The following RNLS variants were observed in gnomAD, a reference collection of about 807,000 sequenced individuals.
RNLS encodes the protein renalase.
RNLS carries 39 observed loss-of-function variants against 39.8 expected under a neutral mutation model. The ratio of observed to expected loss-of-function variants is 0.98; its 90% confidence interval spans 0.76 to 1.28. The LOEUF (loss-of-function observed/expected upper bound fraction) is 1.28, where lower values mean the gene tolerates loss of function less well. Among genes scored for constraint, RNLS ranks in the 50% most tolerant of loss-of-function variants. RNLS has a pLI of 0.00. For synonymous variants in RNLS, 147 were observed against 150.7 expected (o/e 0.98, Z 0.18); for missense variants, 410 against 413.3 (o/e 0.99, Z 0.07).
At chr10:88,553,620 C>A (rs928225964) in intron 4 of RNLS, among the ~76,000 whole-genome samples, 6 of 152,126 alleles carry the variant, frequency 3.9e-5, no homozygotes, top group African/African-American at 1.2e-4. Flanking sequence ...GGAGCAGAGA[C>A]CCTACCATTA....
At chr10:88,548,295 A>ATT (rs1848437051) in intron 4 of RNLS, among the ~76,000 whole-genome samples, 12 of 135,510 alleles carry the variant, frequency 8.9e-5, no homozygotes, top group Non-Finnish European at 1.7e-4. Context: ...AAAAAAAAAG[A>ATT]AAAGAAAAAA....
the RNLS span, among the ~76,000 whole-genome samples, chr10:88,198,525 C>A: frequency 1.2e-4 from 19 of 152,244 alleles, no homozygotes; most frequent in Non-Finnish European, 2.5e-4. Flanking sequence ...TGTGTCTCTG[C>A]CCAAATCTCA....
intron 6 of RNLS, among the ~76,000 whole-genome samples, chr10:88,310,258 T>A (rs779327864): frequency 2.6e-5 from 4 of 152,060 alleles, no homozygotes; most frequent in Non-Finnish European, 5.9e-5. Context: ...CTGGATTATA[T>A]CTTTTTGACT....
chr10:88,343,939 A>C, intron 5 of RNLS: 1 of 427,618 alleles, frequency 2.3e-6, no homozygotes, highest in South Asian at 9.8e-5. Context: ...ATGCCTAAAA[A>C]AGCCCTGGTT....
At chr10:88,179,842 T>C in the RNLS span, among the ~76,000 whole-genome samples, 1 of 152,212 alleles carries the variant, frequency 6.6e-6, no homozygotes, top group South Asian at 2.1e-4. Context: ...AAATCCACAT[T>C]TGGAGACGGA....
intron 4 of RNLS, among the ~76,000 whole-genome samples, chr10:88,385,123 A>G (rs2133544571): frequency 6.6e-6 from 1 of 152,344 alleles, no homozygotes; most frequent in South Asian, 2.1e-4. Context: ...AGCAAATGCT[A>G]GCTCATTTCC....
At chr10:88,374,614 G>A (rs1204630467) in intron 4 of RNLS, among the ~76,000 whole-genome samples, 6 of 152,028 alleles carry the variant, frequency 3.9e-5, no homozygotes, top group Non-Finnish European at 7.4e-5. Flanking sequence ...CATATGGGAT[G>A]TCATTCCATT....
rs527600857 is a variant in RNLS at position 88,349,446 on chromosome 10, T to A, written c.700+13106A>T. Among the ~76,000 whole-genome samples, 43 of 152,232 alleles carry A rather than the reference T, an allele frequency of 2.8e-4. No homozygotes were observed. In the South Asian group the frequency reaches 8.1e-3, roughly 29 times the overall value. ...TTACAAAATGGGCTGGGTTATTTCA[T>A]TCTCTAATAAAAGTCCCCTCCCCTT... is the stretch of plus-strand genomic sequence containing the variant. On this transcript the variant is annotated intron_variant, in intron 5 of 6. Transcript: ENST00000331772.
At chr10:88,321,616 T>A (rs1272519278) in intron 5 of RNLS, among the ~76,000 whole-genome samples, 1 of 151,596 alleles carries the variant, frequency 6.6e-6, no homozygotes, top group Non-Finnish European at 1.5e-5. Context: ...AAGGGTGACA[T>A]TACAACTGAT....
intron 4 of RNLS, among the ~76,000 whole-genome samples, chr10:88,509,002 T>A (rs186864112): frequency 6.6e-6 from 1 of 152,062 alleles, no homozygotes; most frequent in Admixed American, 6.6e-5. Flanking sequence ...AGACATTCAC[T>A]TTTGGTGGGG....
At chr10:88,422,051 T>G (rs981812856) in intron 4 of RNLS, among the ~76,000 whole-genome samples, 4 of 152,212 alleles carry the variant, frequency 2.6e-5, no homozygotes, top group Admixed American at 2.6e-4. Flanking sequence ...CTTTCTACAC[T>G]CAACACTTCT....
intron 4 of RNLS, among the ~76,000 whole-genome samples, chr10:88,425,444 T>C (rs1854689296): frequency 6.6e-6 from 1 of 152,158 alleles, no homozygotes; most frequent in South Asian, 2.1e-4. Flanking sequence ...CTTCTGTCTT[T>C]GTCCTAATGT....
Position 88,529,634 on chromosome 10 carries a change from T to A in RNLS, c.526+43269A>T, listed in dbSNP as rs1048124126. On this transcript the variant is annotated intron_variant, in intron 4 of 6. Transcript: ENST00000331772. The stretch of plus-strand genomic sequence containing the variant: ...AATTACTCATATTTAAAATTCAGGA[T>A]TAAATGTCTAATTTCTGAAGGTGAG... Among the ~76,000 whole-genome samples the A allele has an allele frequency of 2.0e-5, 3 of 152,214 alleles. No individual in the cohort carries two copies. In the East Asian group the frequency reaches 5.8e-4, roughly 29 times the overall value.
At chr10:88,239,677 G>A in the RNLS span, among the ~76,000 whole-genome samples, 2 of 152,310 alleles carry the variant, frequency 1.3e-5, no homozygotes, top group African/African-American at 2.4e-5. Flanking sequence ...TCTTTCCCAG[G>A]CTGGGTGGAA....
chr10:88,284,422 A>T lies in RNLS; in HGVS notation c.*932T>A. ...GGAGATTGATTTCTCTCCAGCTAGC[A>T]AGTCGTGGGGTCAGGTCACTGAAGC... On this transcript the variant is annotated 3_prime_UTR_variant, in exon 7 of 7. Coordinates refer to ENST00000331772, the MANE Select transcript of RNLS (RefSeq NM_001031709.3). 2.0e-6 allele frequency: 2 copies of T among 985,396 alleles called. No individual in the cohort carries two copies. The highest frequency in any genetic ancestry group is 2.4e-6 in the Non-Finnish European group (2 of 829,910). 61.0% of individuals were successfully genotyped at this position (985,396 alleles called of 1,614,324 possible).
At chr10:88,279,060 G>A (rs1016960867) in intron 6 of RNLS, among the ~76,000 whole-genome samples, 18 of 152,200 alleles carry the variant, frequency 1.2e-4, no homozygotes, top group African/African-American at 3.9e-4. Context: ...TATCACAAGA[G>A]TGGGGAGGCT....
At chr10:88,262,937 A>C in the RNLS span, among the ~76,000 whole-genome samples, 1 of 152,138 alleles carries the variant, frequency 6.6e-6, no homozygotes, top group Admixed American at 6.5e-5. Context: ...TGATTTACCC[A>C]GGCTATTTGA....
intron 5 of RNLS, among the ~76,000 whole-genome samples, chr10:88,357,767 TA>T (rs1204687313): frequency 6.6e-6 from 1 of 152,178 alleles, no homozygotes; most frequent in Non-Finnish European, 1.5e-5. Flanking sequence ...GGCCTACCCC[TA>T]AAAACTCCTC....
chr10:88,522,963 G>T lies in RNLS; in HGVS notation c.526+49940C>A, dbSNP rs554633753. On this transcript the variant is annotated intron_variant, in intron 4 of 6. Coordinates refer to ENST00000331772, the MANE Select transcript of RNLS (RefSeq NM_001031709.3). ...ACTTCCTGGCTGCAGGAGCTGGGAC[G>T]TACTGTTTGATAGGAACTCAAGAGA... 1.1e-4 allele frequency among the ~76,000 whole-genome samples: 17 copies of T among 152,140 alleles called. No individual in the cohort carries two copies. In the South Asian group the frequency reaches 3.5e-3, roughly 32 times the overall value.
Sources: gnomAD v4.1 joint callset for allele counts (sites outside exome capture counted in the v4.1 genomes callset) on GRCh38, gnomAD v4.1.1 for gene constraint, MANE v1.5 for transcripts, NCBI Gene and HGNC (gene_info 2026-07-23, HGNC 2026-07-21) for gene names.